The following CSMD3 variants were observed in gnomAD, a reference collection of about 807,000 sequenced individuals.
CSMD3 encodes CUB and Sushi multiple domains 3, also known as CUB and sushi domain-containing protein 3.
In CSMD3, 177 loss-of-function variants were observed where a neutral mutation model predicts 435.2. The observed-to-expected ratio is 0.41, with a 90% CI of 0.36 to 0.46. The LOEUF is 0.46. CSMD3 is among the 20% of genes least tolerant of loss of function. The pLI is 0.34. For synonymous variants in CSMD3, 1,656 were observed against 1,520.5 expected (o/e 1.09, Z -2.07); for missense variants, 4,265 against 4,504.6 (o/e 0.95, Z 1.52).
Position 112,800,279 on chromosome 8 carries a change from A to G in CSMD3, c.1860-5T>C. On this transcript the variant is annotated splice_region_variant and splice_polypyrimidine_tract_variant and intron_variant, in intron 12 of 70. Transcript: ENST00000297405. Reference sequence around the variant, plus strand: ...GGTACAAAGCTTCCAGTCAGCCTAAAAAGAGATGGACAAAGAAGGGAGAGA... The same window carrying G: ...GGTACAAAGCTTCCAGTCAGCCTAAGAAGAGATGGACAAAGAAGGGAGAGA... The G allele has an allele frequency of 6.3e-7, 1 of 1,581,214 alleles. No homozygotes were observed. The highest frequency in any genetic ancestry group is 8.7e-7 in the Non-Finnish European group (1 of 1,150,358).
intron 10 of CSMD3, among the ~76,000 whole-genome samples, chr8:112,904,461 T>C (rs758063735): frequency 6.6e-6 from 1 of 151,462 alleles, no homozygotes; most frequent in Non-Finnish European, 1.5e-5. Flanking sequence ...ACAATACCTA[T>C]AGGTCATAAA....
chr8:112,327,742 T>A (rs918151946), intron 45 of CSMD3, among the ~76,000 whole-genome samples: 3 of 152,216 alleles, frequency 2.0e-5, no homozygotes, highest in Non-Finnish European at 4.4e-5. Flanking sequence ...CATGTCTGTA[T>A]CTTCTGAGGA....
intron 48 of CSMD3, 22 bp from the exon 49 acceptor site, chr8:112,314,074 A>G (rs947532122): frequency 7.1e-6 from 11 of 1,555,868 alleles, no homozygotes; most frequent in Non-Finnish European, 8.9e-6. Context: ...AAATAAAACA[A>G]TTTAGATAAA....
At chr8:112,297,260 A>G (rs1374754773) in intron 53 of CSMD3, among the ~76,000 whole-genome samples, 1 of 151,258 alleles carries the variant, frequency 6.6e-6, no homozygotes, top group Non-Finnish European at 1.5e-5. Flanking sequence ...AAAAAAAAAA[A>G]AAAAAATTAA....
intron 22 of CSMD3, among the ~76,000 whole-genome samples, chr8:112,588,938 G>C (rs1429624286): frequency 1.3e-5 from 2 of 151,950 alleles, no homozygotes; most frequent in East Asian, 3.9e-4. Flanking sequence ...GTTTGTGGAG[G>C]CATGAAGACA....
At position 113,280,350 on chromosome 8, in the gene CSMD3, T is replaced by C. The variant is rs573438099; in HGVS notation, c.402-1646A>G. Among the ~76,000 whole-genome samples, 53 of 152,080 alleles carry C rather than the reference T, an allele frequency of 3.5e-4. No individual in the cohort carries two copies. The South Asian group carries it at 9.1e-3, about 26-fold the overall frequency. ...CCATTTCAATCTTCCTACTTGTTAT[T>C]GGTCTATTCAGGGTGTCTAATTCTT... On this transcript the variant is annotated intron_variant, in intron 2 of 70. Coordinates refer to ENST00000297405, the MANE Select transcript of CSMD3 (RefSeq NM_198123.2).
chr8:112,823,333 G>A (rs1435505034), intron 12 of CSMD3, among the ~76,000 whole-genome samples: 1 of 151,978 alleles, frequency 6.6e-6, no homozygotes, highest in Non-Finnish European at 1.5e-5. Context: ...GTCTATTCAG[G>A]GATTTGATTT....
At chr8:113,000,337 C>A (rs1040066888) in intron 6 of CSMD3, among the ~76,000 whole-genome samples, 13 of 151,992 alleles carry the variant, frequency 8.6e-5, no homozygotes, top group African/African-American at 2.9e-4. Context: ...AAGATAAATT[C>A]TTCTATGAAA....
chr8:113,109,773 T>C (rs2090583944), intron 4 of CSMD3, among the ~76,000 whole-genome samples: 2 of 152,196 alleles, frequency 1.3e-5, no homozygotes, highest in South Asian at 4.1e-4. Flanking sequence ...ATGGCTCCAC[T>C]GGACACTGAC....
rs1215451792 is a variant in CSMD3, at chr8:113,374,818, T to TAAAAAAAAAAAAA, written c.179-60038_179-60026dup. 1.7e-3 allele frequency among the ~76,000 whole-genome samples: 47 copies of TAAAAAAAAAAAAA among 28,078 alleles called. 1 individual carries two copies. The highest frequency in any genetic ancestry group is 0.024 in the Middle Eastern group (1 of 42). The allele number at this position is 28,078 out of a possible 152,430, so 18.4% of individuals were successfully genotyped here. On this transcript the variant is annotated intron_variant, in intron 1 of 70. Coordinates refer to ENST00000297405, the MANE Select transcript of CSMD3 (RefSeq NM_198123.2). ...CCATATGCACCTTGTTGTTAAAAAG[T>TAAAAAAAAAAAAA]AAAAAAAAAAAAAAAAAAAAAAAAA...
chr8:112,664,582 G>A (rs963149288), intron 17 of CSMD3, among the ~76,000 whole-genome samples: 2 of 152,124 alleles, frequency 1.3e-5, no homozygotes, highest in Non-Finnish European at 2.9e-5. Context: ...ATTGTTGTGG[G>A]CTAAATTGTG....
At chr8:112,881,611 A>C (rs2081450233) in intron 10 of CSMD3, among the ~76,000 whole-genome samples, 1 of 152,012 alleles carries the variant, frequency 6.6e-6, no homozygotes, top group South Asian at 2.1e-4. Flanking sequence ...CTGCACTCCA[A>C]TCTTTTTATT....
intron 5 of CSMD3, among the ~76,000 whole-genome samples, chr8:113,040,044 C>A (rs2087538388): frequency 6.6e-6 from 1 of 152,054 alleles, no homozygotes. Flanking sequence ...TAGTGATAAG[C>A]TCTACAAATG....
At chr8:112,433,268 T>G (rs1177926370) in intron 32 of CSMD3, among the ~76,000 whole-genome samples, 2 of 116,314 alleles carry the variant, frequency 1.7e-5, no homozygotes, top group Non-Finnish European at 3.7e-5. Flanking sequence ...AAATAATACT[T>G]CTTTTATGTA....
intron 13 of CSMD3, among the ~76,000 whole-genome samples, chr8:112,770,495 A>C (rs1233211466): frequency 1.3e-5 from 2 of 151,940 alleles, no homozygotes; most frequent in African/African-American, 4.8e-5. Flanking sequence ...TCTTTTTTTT[A>C]AATAAAATAC....
chr8:112,384,774 A>G (rs1340064822), intron 36 of CSMD3, among the ~76,000 whole-genome samples: 1 of 152,204 alleles, frequency 6.6e-6, no homozygotes, highest in African/African-American at 2.4e-5. Context: ...GCAGTGTTCT[A>G]AGATAGGAAT....
intron 13 of CSMD3, among the ~76,000 whole-genome samples, chr8:112,695,498 A>G (rs1288852198): frequency 6.6e-6 from 1 of 152,224 alleles, no homozygotes; most frequent in African/African-American, 2.4e-5. Flanking sequence ...TTATCTCAAT[A>G]GATGCAGAAA....
At chr8:112,406,417 A>T (rs1831865229) in intron 35 of CSMD3, 107 bp downstream of exon 35, 1 of 599,334 alleles carries the variant, frequency 1.7e-6, no homozygotes, top group South Asian at 2.6e-5. Flanking sequence ...AAATTATTTA[A>T]AATTAAGTAC....
At chr8:112,826,747 T>C (rs61291145) in intron 12 of CSMD3, among the ~76,000 whole-genome samples, 2,002 of 152,264 alleles carry the variant, frequency 0.013, 46 homozygotes, top group African/African-American at 0.046. Flanking sequence ...CTCCGATCTC[T>C]GCTGCTTCTA....
Sources: allele counts gnomAD v4.1 joint callset (sites outside exome capture counted in the v4.1 genomes callset), GRCh38; gene constraint gnomAD v4.1.1; transcripts MANE v1.5; gene names NCBI Gene and HGNC (gene_info 2026-07-23, HGNC 2026-07-21).